The following ACVR1 variants were observed in gnomAD, a reference collection of about 807,000 sequenced individuals.
ACVR1 encodes the protein activin receptor type-1.
Under a neutral mutation model 57.1 loss-of-function variants are expected in ACVR1, and 38 were observed. The observed-to-expected ratio is 0.67, with a 90% CI of 0.51 to 0.87. The LOEUF (loss-of-function observed/expected upper bound fraction) is 0.87. Ranked by LOEUF, ACVR1 falls within the 40% of genes least tolerant of loss-of-function variation. The pLI, the probability that ACVR1 is intolerant of heterozygous loss-of-function variation, is 0.00. For synonymous variants in ACVR1, 212 were observed against 228.1 expected, an observed-to-expected ratio of 0.93 and a Z score of 0.63; for missense variants, 463 against 638.2, an observed-to-expected ratio of 0.73 and a Z score of 2.96.
intron 3 of ACVR1, among the ~76,000 whole-genome samples, chr2:157,788,562 C>A (rs963676305): frequency 1.3e-5 from 2 of 152,136 alleles, no homozygotes; most frequent in Admixed American, 6.6e-5. Context: ...GTGGTGATGC[C>A]AGCCTATTGT....
chr2:157,770,192 A>G (rs1467452538), intron 7 of ACVR1, among the ~76,000 whole-genome samples, 176 bp downstream of exon 7: 1 of 152,226 alleles, frequency 6.6e-6, no homozygotes. Flanking sequence ...ACTTATTTGC[A>G]GATTTAAATA....
intron 9 of ACVR1, among the ~76,000 whole-genome samples, chr2:157,759,384 T>C (rs1685555204): frequency 6.6e-6 from 1 of 151,980 alleles, no homozygotes; most frequent in African/African-American, 2.4e-5. Context: ...AGGAAATGGA[T>C]ATAATCTACC....
chr2:157,809,147 T>C (rs1343459172), intron 2 of ACVR1, among the ~76,000 whole-genome samples: 3 of 152,210 alleles, frequency 2.0e-5, no homozygotes, highest in African/African-American at 7.2e-5. Flanking sequence ...TTTACAGTTA[T>C]TTAAACTTTG....
chr2:157,772,074 C>T (rs1344277132), intron 6 of ACVR1, among the ~76,000 whole-genome samples: 1 of 152,104 alleles, frequency 6.6e-6, no homozygotes, highest in Non-Finnish European at 1.5e-5. Context: ...ACCTCAAATC[C>T]TTTTTTTGGT....
intron 7 of ACVR1, among the ~76,000 whole-genome samples, chr2:157,770,163 A>G (rs1686019593): frequency 6.6e-6 from 1 of 152,240 alleles, no homozygotes; most frequent in South Asian, 2.1e-4. Context: ...TTTCCTTTTC[A>G]TCATCCAGAG....
intron 9 of ACVR1, among the ~76,000 whole-genome samples, chr2:157,756,376 A>G (rs1685426488): frequency 6.6e-6 from 1 of 152,186 alleles, no homozygotes; most frequent in Admixed American, 6.5e-5. Context: ...CTGACACCCC[A>G]CAGAGTGGGA....
At chr2:157,819,005 G>A (rs1574105222) in intron 1 of ACVR1, among the ~76,000 whole-genome samples, 1 of 148,494 alleles carries the variant, frequency 6.7e-6, no homozygotes, top group Non-Finnish European at 1.5e-5. Flanking sequence ...GTGAACCCGG[G>A]AGGTGGAGCT....
intron 1 of ACVR1, among the ~76,000 whole-genome samples, chr2:157,865,485 TGATA>T (rs894340788): frequency 4.6e-5 from 7 of 152,114 alleles, no homozygotes; most frequent in Non-Finnish European, 8.8e-5. Context: ...GATAGATGAT[TGATA>T]GATAGATAGA....
chr2:157,861,784 G>A (rs757896720), intron 1 of ACVR1, among the ~76,000 whole-genome samples: 13 of 152,206 alleles, frequency 8.5e-5, no homozygotes, highest in Non-Finnish European at 1.8e-4. Flanking sequence ...ATTTGAAAAT[G>A]TGTCAATAAT....
chr2:157,768,968 C>T (rs765203558), intron 7 of ACVR1, among the ~76,000 whole-genome samples: 1 of 152,166 alleles, frequency 6.6e-6, no homozygotes, highest in Non-Finnish European at 1.5e-5. Context: ...AACTGCAACA[C>T]AAGGCAGTGT....
chr2:157,867,199 C>A (rs908274645), intron 1 of ACVR1, among the ~76,000 whole-genome samples: 7 of 152,114 alleles, frequency 4.6e-5, no homozygotes, highest in African/African-American at 1.4e-4. Flanking sequence ...TTTGCCCAAC[C>A]CCTACCCTCC....
intron 9 of ACVR1, among the ~76,000 whole-genome samples, chr2:157,758,245 T>C (rs1685508836): frequency 6.6e-6 from 1 of 152,016 alleles, no homozygotes; most frequent in Non-Finnish European, 1.5e-5. Flanking sequence ...AAAAGGTCAG[T>C]ATACTGTGCT....
intron 8 of ACVR1, 152 bp downstream of exon 8, chr2:157,765,769 A>T: frequency 2.9e-6 from 2 of 695,052 alleles, no homozygotes; most frequent in Non-Finnish European, 4.9e-6. Flanking sequence ...GTGAGAATCT[A>T]TGTGGTGGGT....
intron 2 of ACVR1, among the ~76,000 whole-genome samples, chr2:157,800,430 C>A (rs1186263665): frequency 1.3e-5 from 2 of 151,984 alleles, no homozygotes; most frequent in African/African-American, 4.8e-5. Flanking sequence ...GAGTTTGAGA[C>A]CAGCCTGGGC....
At chr2:157,820,711 T>C (rs1688133077) in intron 1 of ACVR1, among the ~76,000 whole-genome samples, 2 of 152,164 alleles carry the variant, frequency 1.3e-5, no homozygotes, top group African/African-American at 4.8e-5. Context: ...CAGTCTTCTC[T>C]AAAGATTCTT....
intron 3 of ACVR1, among the ~76,000 whole-genome samples, chr2:157,782,957 A>G (rs1280693274): frequency 2.0e-5 from 3 of 152,154 alleles, no homozygotes; most frequent in Admixed American, 1.3e-4. Flanking sequence ...GGAGCAAAAT[A>G]AAAATAAAGT....
chr2:157,821,156 C>G (rs1688147542), intron 1 of ACVR1, among the ~76,000 whole-genome samples: 1 of 152,218 alleles, frequency 6.6e-6, no homozygotes, highest in Non-Finnish European at 1.5e-5. Flanking sequence ...TAGCTAAAAA[C>G]TGTTGTGTTC....
At chr2:157,827,731 A>G (rs561327496) in intron 1 of ACVR1, among the ~76,000 whole-genome samples, 20 of 152,080 alleles carry the variant, frequency 1.3e-4, no homozygotes, top group Non-Finnish European at 2.5e-4. Flanking sequence ...GTGTCTTTCA[A>G]CTCAGCTCTA....
At chr2:157,763,783 T>C (rs982496456) in intron 8 of ACVR1, among the ~76,000 whole-genome samples, 2 of 152,208 alleles carry the variant, frequency 1.3e-5, no homozygotes, top group East Asian at 3.8e-4. Context: ...TGATCCTTAA[T>C]TGCTAGGTAT....
Sources: gnomAD v4.1 joint callset for allele counts (sites outside exome capture counted in the v4.1 genomes callset) on GRCh38, gnomAD v4.1.1 for gene constraint, MANE v1.5 for transcripts, NCBI Gene and HGNC (gene_info 2026-07-23, HGNC 2026-07-21) for gene names.